TEKT5: variants seen among roughly 807,000 people sequenced by gnomAD.
The protein encoded by TEKT5 is tektin 5, also known as tektin-5.
Under a neutral mutation model 48.7 loss-of-function variants are expected in TEKT5, and 52 were observed. That is an observed-to-expected ratio of 1.07 (90% confidence interval 0.86 to 1.35). The LOEUF (loss-of-function observed/expected upper bound fraction) is 1.35. TEKT5 is among the 40% of genes most tolerant of loss of function. The probability of loss-of-function intolerance (pLI) is 0.00; values close to 1 mark genes in which losing one functional copy is unlikely to be tolerated. For missense variants in TEKT5, 831 were observed against 641.6 expected (o/e 1.30, Z -3.19); for synonymous variants, 318 against 267.6 (o/e 1.19, Z -1.84).
intron 5 of TEKT5, among the ~76,000 whole-genome samples, chr16:10,653,282 G>A (rs945905658): frequency 2.0e-5 from 3 of 152,202 alleles, no homozygotes; most frequent in African/African-American, 7.2e-5. Context: ...GTGGGAAGAG[G>A]GTGGTGGCGT....
intron 5 of TEKT5, among the ~76,000 whole-genome samples, chr16:10,655,210 A>G (rs1202781493): frequency 2.0e-5 from 3 of 152,102 alleles, no homozygotes; most frequent in East Asian, 3.9e-4. Flanking sequence ...CAAAAGCCCA[A>G]TTACATAAAC....
chr16:10,635,985 G>T (rs187497674), intron 5 of TEKT5, 67 bp from the exon 6 acceptor site: 9 of 1,582,600 alleles, frequency 5.7e-6, no homozygotes, highest in East Asian at 4.5e-5. Flanking sequence ...TGGGGGCCTG[G>T]GGGGAGCAAG....
At chr16:10,654,239 T>C (rs892730040) in intron 5 of TEKT5, among the ~76,000 whole-genome samples, 1 of 152,090 alleles carries the variant, frequency 6.6e-6, no homozygotes, top group African/African-American at 2.4e-5. Context: ...TTCACAGAGA[T>C]GAGGTTTTCC....
chr16:10,639,103 G>C (rs1448396248), intron 5 of TEKT5, among the ~76,000 whole-genome samples: 1 of 152,106 alleles, frequency 6.6e-6, no homozygotes, highest in Non-Finnish European at 1.5e-5. Context: ...CCAGGAGTTT[G>C]AGACCAGCCT....
chr16:10,634,789 G>C (rs1252290950), intron 6 of TEKT5, among the ~76,000 whole-genome samples: 1 of 152,132 alleles, frequency 6.6e-6, no homozygotes, highest in Non-Finnish European at 1.5e-5. Flanking sequence ...CCAGCCAACA[G>C]CCAGCAAAGA....
intron 5 of TEKT5, among the ~76,000 whole-genome samples, chr16:10,652,298 T>C (rs927126229): frequency 2.6e-5 from 4 of 152,116 alleles, no homozygotes; most frequent in African/African-American, 9.7e-5. Context: ...CCACAGTTCA[T>C]GCTTTTCTCC....
intron 5 of TEKT5, among the ~76,000 whole-genome samples, chr16:10,654,933 T>TC (rs1898233105): frequency 2.4e-4 from 12 of 49,200 alleles, no homozygotes; most frequent in African/African-American, 7.3e-4. Flanking sequence ...CTCCCCCCCC[T>TC]CCCCTCCCCC....
intron 5 of TEKT5, among the ~76,000 whole-genome samples, chr16:10,672,464 G>A (rs562562292): frequency 1.3e-5 from 2 of 152,074 alleles, no homozygotes; most frequent in Admixed American, 6.6e-5. Flanking sequence ...GTGATGGCGG[G>A]GGGTGTCTGT....
chr16:10,673,593 C>T (rs980934289), intron 5 of TEKT5, among the ~76,000 whole-genome samples: 4 of 151,772 alleles, frequency 2.6e-5, no homozygotes, highest in Non-Finnish European at 5.9e-5. Context: ...CACAGGCAGC[C>T]TTCCCCACTC....
At chr16:10,652,306 T>C (rs937224640) in intron 5 of TEKT5, among the ~76,000 whole-genome samples, 2 of 152,114 alleles carry the variant, frequency 1.3e-5, no homozygotes, top group East Asian at 3.9e-4. Flanking sequence ...CATGCTTTTC[T>C]CCCACACACT....
intron 5 of TEKT5, among the ~76,000 whole-genome samples, chr16:10,673,193 C>G (rs1433261932): frequency 1.3e-5 from 2 of 152,090 alleles, no homozygotes; most frequent in Non-Finnish European, 2.9e-5. Flanking sequence ...GCAAATAAAC[C>G]GTGGAGTTTA....
intron 1 of TEKT5, chr16:10,690,234 C>T (rs532433556): frequency 1.2e-4 from 67 of 559,926 alleles, no homozygotes; most frequent in East Asian, 1.1e-3. Flanking sequence ...CCAAGGCATC[C>T]GGAGATGCAA....
intron 5 of TEKT5, among the ~76,000 whole-genome samples, chr16:10,668,269 G>A (rs1360986717): frequency 5.3e-5 from 8 of 152,154 alleles, no homozygotes; most frequent in Non-Finnish European, 7.3e-5. Context: ...AAAGGCAGAC[G>A]GGCAAAGGAA....
chr16:10,655,807 T>C lies in TEKT5; in HGVS notation c.1087-19889A>G, dbSNP rs376433190. 1.6e-4 allele frequency among the ~76,000 whole-genome samples: 25 copies of C among 152,218 alleles called. 1 individual carries two copies. The East Asian group carries it at 3.3e-3, about 20-fold the overall frequency. Reference sequence around the variant, plus strand: ...AGGTCTAAGTGTGAAAAATAAATGCTTGGATGGTGAAGCAGAAAAATAGCA... The same window carrying C: ...AGGTCTAAGTGTGAAAAATAAATGCCTGGATGGTGAAGCAGAAAAATAGCA... On this transcript the variant is annotated intron_variant, in intron 5 of 6. Coordinates refer to ENST00000283025, the MANE Select transcript of TEKT5 (RefSeq NM_144674.2).
chr16:10,659,597 G>A (rs963517214), intron 5 of TEKT5, among the ~76,000 whole-genome samples: 8 of 152,058 alleles, frequency 5.3e-5, no homozygotes, highest in Admixed American at 3.9e-4. Flanking sequence ...GCCTGACCTC[G>A]TGATCTGCCC....
intron 5 of TEKT5, among the ~76,000 whole-genome samples, chr16:10,672,479 C>T (rs1486611668): frequency 6.6e-6 from 1 of 152,102 alleles, no homozygotes; most frequent in Non-Finnish European, 1.5e-5. Context: ...GTCTGTAATC[C>T]CAGCTACTCA....
At chr16:10,681,790 C>T (rs10221054) in intron 4 of TEKT5, among the ~76,000 whole-genome samples, 20,313 of 151,994 alleles carry the variant, frequency 0.13, 1,600 homozygotes, top group African/African-American at 0.22. Context: ...TTCGTGGCTC[C>T]CCCATACCTC....
chr16:10,687,562 G>A (rs148960629), intron 3 of TEKT5, among the ~76,000 whole-genome samples: 5 of 152,354 alleles, frequency 3.3e-5, no homozygotes, highest in African/African-American at 9.6e-5. Flanking sequence ...AGACCAGCCT[G>A]GCCAACATGG....
At position 10,693,438 on chromosome 16, in the gene TEKT5, T is replaced by G. The variant is rs567634276; in HGVS notation, c.564+872A>C. 1.5e-3 allele frequency among the ~76,000 whole-genome samples: 230 copies of G among 152,376 alleles called. 1 individual carries two copies. Among genetic ancestry groups the G allele is most frequent in the African/African-American group, 5.3e-3 (221 of 41,598 alleles). On this transcript the variant is annotated intron_variant, in intron 1 of 6. Coordinates refer to ENST00000283025, the MANE Select transcript of TEKT5 (RefSeq NM_144674.2). ...ATTTATTCAGCATGTATTTATTGAATGCCTACTCTGTGCTTCGCCCTGTCC... is the reference window on the plus strand; with the variant it reads ...ATTTATTCAGCATGTATTTATTGAAGGCCTACTCTGTGCTTCGCCCTGTCC...
Sources: allele counts gnomAD v4.1 joint callset (sites outside exome capture counted in the v4.1 genomes callset), GRCh38; gene constraint gnomAD v4.1.1; transcripts MANE v1.5; gene names NCBI Gene and HGNC (gene_info 2026-07-23, HGNC 2026-07-21).